Variants in CDKL4 observed in about 807,000 individuals in gnomAD.
CDKL4 encodes the protein cyclin-dependent kinase-like 4.
CDKL4 carries 44 observed loss-of-function variants against 42.0 expected under a neutral mutation model. The observed-to-expected ratio is 1.05, with a 90% CI of 0.82 to 1.35. CDKL4 has a LOEUF of 1.35. Ranked by LOEUF, CDKL4 falls within the 40% of genes most tolerant of loss-of-function variation. The probability of loss-of-function intolerance (pLI) is 0.00; values close to 1 mark genes in which losing one functional copy is unlikely to be tolerated. For synonymous variants in CDKL4, 120 were observed against 121.6 expected (o/e 0.99, Z 0.09); for missense variants, 393 against 369.9 (o/e 1.06, Z -0.51).
At chr2:39,214,809 A>G (rs1447973844) in intron 3 of CDKL4, among the ~76,000 whole-genome samples, 1 of 152,210 alleles carries the variant, frequency 6.6e-6, no homozygotes, top group Admixed American at 6.5e-5. Context: ...AGGATCCCAT[A>G]AGAATGAGAG....
rs542458033 is a variant in CDKL4 at position 39,212,457 on chromosome 2, T to A, written c.363+943A>T. On this transcript the variant is annotated intron_variant, in intron 4 of 9. Transcript: ENST00000451199. ...ACCGTGTTGGCCAGGATGGTCTCGA[T>A]CTCCTGACTTCGTGATCCGCCTGCC... Among the ~76,000 whole-genome samples the A allele has an allele frequency of 4.6e-5, 7 of 151,946 alleles. No homozygotes were observed. In the East Asian group the frequency reaches 1.2e-3, roughly 25 times the overall value.
At chr2:39,226,737 T>A (rs114435597) in intron 2 of CDKL4, among the ~76,000 whole-genome samples, 3,714 of 151,906 alleles carry the variant, frequency 0.024, 53 homozygotes, top group African/African-American at 0.028. Flanking sequence ...GGTCACTCCG[T>A]CTGTAACTAG....
At chr2:39,226,021 A>G (rs961320809) in intron 2 of CDKL4, 61 bp from the exon 3 acceptor site, 1 of 1,480,908 alleles carries the variant, frequency 6.8e-7, no homozygotes, top group South Asian at 1.4e-5. Flanking sequence ...TTCTACCCAG[A>G]CCCCTTAAAG....
intron 5 of CDKL4, among the ~76,000 whole-genome samples, chr2:39,197,220 A>G (rs1676569800): frequency 6.6e-6 from 1 of 152,232 alleles, no homozygotes; most frequent in Admixed American, 6.5e-5. Flanking sequence ...GCACAAGTTC[A>G]AGAAAGAACT....
intron 8 of CDKL4, among the ~76,000 whole-genome samples, chr2:39,180,172 A>T (rs1241435653): frequency 6.6e-6 from 1 of 152,206 alleles, no homozygotes; most frequent in Non-Finnish European, 1.5e-5. Flanking sequence ...GGGAGTCCAG[A>T]GGTCTAGACC....
upstream of CDKL4, among the ~76,000 whole-genome samples, chr2:39,244,674 G>T (rs1679832457): frequency 6.6e-6 from 1 of 152,242 alleles, no homozygotes; most frequent in Non-Finnish European, 1.5e-5. Flanking sequence ...AACGGCGCGG[G>T]ACTGGCAGGC....
chr2:39,194,175 T>C (rs1318623690), intron 5 of CDKL4, among the ~76,000 whole-genome samples: 1 of 152,152 alleles, frequency 6.6e-6, no homozygotes, highest in Admixed American at 6.5e-5. Context: ...TTGAAAAATC[T>C]GGCTGGGCAC....
At chr2:39,204,763 G>T in intron 4 of CDKL4, 146 bp from the exon 5 acceptor site, 1 of 439,454 alleles carries the variant, frequency 2.3e-6, no homozygotes, top group Non-Finnish European at 4.0e-6. Flanking sequence ...ACTTAAATTG[G>T]CAATTTTTCA....
At chr2:39,219,322 G>A (rs895559930) in intron 3 of CDKL4, among the ~76,000 whole-genome samples, 10 of 152,214 alleles carry the variant, frequency 6.6e-5, no homozygotes, top group Non-Finnish European at 1.3e-4. Flanking sequence ...GATATCTGAT[G>A]TAATGAGGAC....
intron 1 of CDKL4, among the ~76,000 whole-genome samples, chr2:39,232,916 G>A (rs546709021): frequency 2.6e-5 from 4 of 151,540 alleles, no homozygotes; most frequent in South Asian, 4.2e-4. Context: ...ATGGTGGCAC[G>A]CGCCTGTAGT....
At chr2:39,168,256 A>G in the CDKL4 span, among the ~76,000 whole-genome samples, 1 of 152,338 alleles carries the variant, frequency 6.6e-6, no homozygotes, top group Non-Finnish European at 1.5e-5. Flanking sequence ...GCTTCTACAC[A>G]AATATGTGCT....
downstream of CDKL4, among the ~76,000 whole-genome samples, chr2:39,174,208 C>T (rs1675078333): frequency 1.3e-5 from 2 of 151,946 alleles, no homozygotes; most frequent in Admixed American, 1.3e-4. Flanking sequence ...AGTTAGAGAC[C>T]AGCCTGGGCA....
upstream of CDKL4, among the ~76,000 whole-genome samples, chr2:39,246,081 T>C (rs942570281): frequency 6.6e-6 from 1 of 152,204 alleles, no homozygotes; most frequent in African/African-American, 2.4e-5. Context: ...ACACGTACTT[T>C]GTTTCAGCAT....
At chr2:39,205,773 A>G (rs1281168189) in intron 4 of CDKL4, among the ~76,000 whole-genome samples, 39 of 150,796 alleles carry the variant, frequency 2.6e-4, no homozygotes, top group Non-Finnish European at 2.1e-4. Flanking sequence ...AAAAAAAAAA[A>G]AAAAAAAGAA....
At chr2:39,172,715 G>A (rs1427910968), downstream of CDKL4, among the ~76,000 whole-genome samples, 1 of 152,086 alleles carries the variant, frequency 6.6e-6, no homozygotes, top group Non-Finnish European at 1.5e-5. Flanking sequence ...CTGAGTAGCT[G>A]GGATTACAGG....
intron 8 of CDKL4, among the ~76,000 whole-genome samples, chr2:39,183,636 G>A (rs1179214233): frequency 6.6e-6 from 1 of 152,130 alleles, no homozygotes; most frequent in African/African-American, 2.4e-5. Flanking sequence ...TCCCTTGCAG[G>A]TTTTGCTAAA....
chr2:39,223,419 T>C (rs1404456107), intron 3 of CDKL4, among the ~76,000 whole-genome samples: 1 of 152,002 alleles, frequency 6.6e-6, no homozygotes, highest in Non-Finnish European at 1.5e-5. Flanking sequence ...AATGAGGAGG[T>C]CTGATTCCCT....
At chr2:39,180,947 C>T (rs1433486057) in intron 8 of CDKL4, among the ~76,000 whole-genome samples, 1 of 152,194 alleles carries the variant, frequency 6.6e-6, no homozygotes, top group Non-Finnish European at 1.5e-5. Flanking sequence ...CCTCGGCCTC[C>T]CAGTGCTGGG....
intron 6 of CDKL4, among the ~76,000 whole-genome samples, chr2:39,188,999 A>G (rs2148299647): frequency 6.6e-6 from 1 of 152,352 alleles, no homozygotes; most frequent in East Asian, 1.9e-4. Flanking sequence ...CAGTAACTTA[A>G]CAGATCCAGG....
Sources: allele counts gnomAD v4.1 joint callset (sites outside exome capture counted in the v4.1 genomes callset), GRCh38; gene constraint gnomAD v4.1.1; transcripts MANE v1.5; gene names NCBI Gene and HGNC (gene_info 2026-07-23, HGNC 2026-07-21).